The following STAMBPL1 variants were observed in gnomAD, a reference collection of about 807,000 sequenced individuals.
STAMBPL1 encodes the protein AMSH-like protease.
Under a neutral mutation model 52.9 loss-of-function variants are expected in STAMBPL1, and 44 were observed. The ratio of observed to expected loss-of-function variants is 0.83; its 90% confidence interval spans 0.65 to 1.07. The LOEUF (loss-of-function observed/expected upper bound fraction) is 1.07, where lower values mean the gene tolerates loss of function less well. Ranked by LOEUF, STAMBPL1 falls within the 50% of genes least tolerant of loss-of-function variation. The pLI is 0.00. For missense variants in STAMBPL1, 511 were observed against 520.8 expected, an observed-to-expected ratio of 0.98 and a Z score of 0.18; for synonymous variants, 164 against 177.3, an observed-to-expected ratio of 0.92 and a Z score of 0.60.
Position 88,921,400 on chromosome 10 carries a change from G to C in STAMBPL1, c.1154+5G>C. On this transcript the variant is annotated splice_donor_5th_base_variant and intron_variant, in intron 9 of 10. Coordinates refer to ENST00000371926, the MANE Select transcript of STAMBPL1 (RefSeq NM_020799.4). ...TTGCTCACCAAAGCATAAAGAGTAA[G>C]TGTAACTCTTCAGGGGAGACCAAAG... 1 of 1,603,740 alleles carries C rather than the reference G, an allele frequency of 6.2e-7. No homozygotes were observed. Among genetic ancestry groups the C allele is most frequent in the Non-Finnish European group, 8.5e-7 (1 of 1,171,050 alleles).
At chr10:88,911,636 T>A (rs904080265) in intron 5 of STAMBPL1, among the ~76,000 whole-genome samples, 2 of 152,232 alleles carry the variant, frequency 1.3e-5, no homozygotes, top group Non-Finnish European at 2.9e-5. Flanking sequence ...GATGTTATTT[T>A]GCTTTTTTGT....
At chr10:88,908,815 C>T (rs1386359747) in intron 4 of STAMBPL1, 38 bp downstream of exon 4, 2 of 1,499,246 alleles carry the variant, frequency 1.3e-6, no homozygotes, top group Admixed American at 2.1e-5. Context: ...GAATCAAATG[C>T]TCCATAAGTA....
chr10:88,892,349 TGTGC>T (rs1483538992), intron 1 of STAMBPL1, among the ~76,000 whole-genome samples: 3 of 106,744 alleles, frequency 2.8e-5, no homozygotes, highest in Admixed American at 1.1e-4. Context: ...TGTGTGTGCG[TGTGC>T]GTGTGTGTGT....
intron 1 of STAMBPL1, chr10:88,882,638 A>G (rs933016799): frequency 6.6e-6 from 1 of 152,190 alleles, no homozygotes; most frequent in Non-Finnish European, 1.5e-5. Context: ...TACATTTACA[A>G]ATTAGGGACA....
rs150981081 is a variant in STAMBPL1, at chr10:88,919,413, G to T, written c.1042-1870G>T. ...GGGAATGGGAGCCTCATTCTCCCATGGGAAAACTGTCCTAATTGGAATGGA... is the reference window on the plus strand; with the variant it reads ...GGGAATGGGAGCCTCATTCTCCCATTGGAAAACTGTCCTAATTGGAATGGA... On this transcript the variant is annotated intron_variant, in intron 8 of 10. Coordinates refer to ENST00000371926, the MANE Select transcript of STAMBPL1 (RefSeq NM_020799.4). 3.6e-3 allele frequency among the ~76,000 whole-genome samples: 551 copies of T among 152,208 alleles called. 5 individuals are homozygous for T. The highest frequency in any genetic ancestry group is 0.013 in the African/African-American group (526 of 41,534).
intron 1 of STAMBPL1, chr10:88,901,076 T>G (rs1844932075): frequency 6.6e-6 from 1 of 152,238 alleles, no homozygotes; most frequent in South Asian, 2.1e-4. Flanking sequence ...CTACAATATC[T>G]CTTCATCTTT....
intron 8 of STAMBPL1, 24 bp from the exon 9 acceptor site, chr10:88,921,259 G>A: frequency 6.3e-7 from 1 of 1,587,980 alleles, no homozygotes; most frequent in South Asian, 1.1e-5. Context: ...ATCCTAGTAA[G>A]ATTATCTTAT....
At chr10:88,895,596 A>G (rs780107317) in intron 1 of STAMBPL1, among the ~76,000 whole-genome samples, 2 of 152,248 alleles carry the variant, frequency 1.3e-5, no homozygotes, top group Non-Finnish European at 2.9e-5. Context: ...GCTGGGAACT[A>G]TAATGGAACT....
intron 5 of STAMBPL1, 40 bp downstream of exon 5, chr10:88,911,051 G>T: frequency 1.6e-6 from 2 of 1,287,532 alleles, no homozygotes; most frequent in Non-Finnish European, 1.1e-6. Context: ...ACTATTTTAT[G>T]TACAAGTATT....
intron 1 of STAMBPL1, among the ~76,000 whole-genome samples, chr10:88,899,213 A>G (rs1484672277): frequency 6.6e-6 from 1 of 152,148 alleles, no homozygotes; most frequent in Non-Finnish European, 1.5e-5. Context: ...TTTGCCTGCA[A>G]TTAAGAATCC....
intron 3 of STAMBPL1, among the ~76,000 whole-genome samples, chr10:88,906,692 T>C (rs772620778): frequency 6.6e-5 from 10 of 152,172 alleles, no homozygotes; most frequent in Admixed American, 2.0e-4. Context: ...AGCCTCGACC[T>C]CCCTGGCTCA....
intron 1 of STAMBPL1, among the ~76,000 whole-genome samples, chr10:88,893,402 A>G (rs1223414060): frequency 6.6e-6 from 1 of 152,208 alleles, no homozygotes; most frequent in East Asian, 1.9e-4. Context: ...TTAACTACAT[A>G]TACCATGTAG....
chr10:88,909,279 G>A (rs1845156653), intron 4 of STAMBPL1, among the ~76,000 whole-genome samples: 2 of 152,150 alleles, frequency 1.3e-5, no homozygotes, highest in South Asian at 4.1e-4. Flanking sequence ...AGGAAAAAGA[G>A]TGTTGCAATT....
intron 1 of STAMBPL1, among the ~76,000 whole-genome samples, chr10:88,887,554 G>T (rs1844568053): frequency 6.6e-6 from 1 of 152,100 alleles, no homozygotes; most frequent in Non-Finnish European, 1.5e-5. Flanking sequence ...TTAAAACAAG[G>T]GTCGTGGTCT....
chr10:88,900,691 A>G (rs1423473223), intron 1 of STAMBPL1, among the ~76,000 whole-genome samples: 3 of 152,204 alleles, frequency 2.0e-5, no homozygotes, highest in Non-Finnish European at 4.4e-5. Context: ...ACACAGCTAA[A>G]CATATTTGTT....
intron 3 of STAMBPL1, 148 bp downstream of exon 3, chr10:88,905,808 T>G: frequency 6.0e-6 from 4 of 669,310 alleles, no homozygotes; most frequent in South Asian, 6.0e-5. Context: ...GTTTTTAAAT[T>G]ACCAACTAAT....
chr10:88,914,068 T>C (rs1845305655), intron 6 of STAMBPL1, among the ~76,000 whole-genome samples: 2 of 152,174 alleles, frequency 1.3e-5, no homozygotes, highest in African/African-American at 2.4e-5. Context: ...TGAGCGATAA[T>C]AGGCAACCAT....
At chr10:88,885,138 G>C (rs932204854) in intron 1 of STAMBPL1, among the ~76,000 whole-genome samples, 1 of 152,196 alleles carries the variant, frequency 6.6e-6, no homozygotes, top group Non-Finnish European at 1.5e-5. Context: ...GTAAATGATA[G>C]AGCTGGCCGT....
intron 1 of STAMBPL1, among the ~76,000 whole-genome samples, chr10:88,898,444 T>C (rs914682934): frequency 1.3e-5 from 2 of 152,200 alleles, no homozygotes; most frequent in African/African-American, 4.8e-5. Context: ...TATGTTGATC[T>C]TGCAATTGTT....
Sources: allele counts gnomAD v4.1 joint callset (sites outside exome capture counted in the v4.1 genomes callset), GRCh38; gene constraint gnomAD v4.1.1; transcripts MANE v1.5; gene names NCBI Gene and HGNC (gene_info 2026-07-23, HGNC 2026-07-21).